PARD3B: variants seen among roughly 807,000 people sequenced by gnomAD.
The protein encoded by PARD3B is partitioning defective 3 homolog B.
A neutral mutation model predicts 130.2 loss-of-function variants in PARD3B; 103 were observed. The observed-to-expected ratio is 0.79, with a 90% CI of 0.67 to 0.93. The LOEUF (loss-of-function observed/expected upper bound fraction) is 0.93, where lower values mean the gene tolerates loss of function less well. Among genes scored for constraint, PARD3B ranks in the 40% least tolerant of loss-of-function variants. PARD3B has a pLI of 0.00. For missense variants in PARD3B, 1,609 were observed against 1,499.2 expected, an observed-to-expected ratio of 1.07 and a Z score of -1.21; for synonymous variants, 583 against 553.2, an observed-to-expected ratio of 1.05 and a Z score of -0.76.
intron 18 of PARD3B, among the ~76,000 whole-genome samples, chr2:205,315,714 C>T (rs1403594404): frequency 6.6e-6 from 1 of 152,134 alleles, no homozygotes; most frequent in African/African-American, 2.4e-5. Context: ...CCAGATTATT[C>T]ACTCTTACTC....
rs1272168659 is a variant in PARD3B, at chr2:205,407,173, T to C, written c.2741+6050T>C. The stretch of plus-strand genomic sequence containing the variant: ...ACCTGAGTGTATAAGCCCAAGTTTC[T>C]TGCTCAAGATTGTGTGGTAGGATTT... On this transcript the variant is annotated intron_variant, in intron 19 of 22. Coordinates refer to ENST00000406610, the MANE Select transcript of PARD3B (RefSeq NM_001302769.2). This position sits in a 1 kb window ranked among gnomAD's most constrained non-coding sequence, Gnocchi z 4.1. Among the ~76,000 whole-genome samples the C allele has an allele frequency of 6.6e-6, 1 of 152,224 alleles. No individual in the cohort carries two copies. The highest frequency in any genetic ancestry group is 1.5e-5 in the Non-Finnish European group (1 of 68,034).
intron 4 of PARD3B, among the ~76,000 whole-genome samples, chr2:205,052,515 AG>A (rs1279211484): frequency 1.4e-5 from 2 of 147,592 alleles, no homozygotes; most frequent in African/African-American, 2.5e-5. Flanking sequence ...GATAGATTTC[AG>A]GGGGGTCTGT....
intron 1 of PARD3B, among the ~76,000 whole-genome samples, chr2:204,666,772 G>A (rs1427480310): frequency 6.6e-6 from 1 of 152,116 alleles, no homozygotes; most frequent in East Asian, 1.9e-4. Flanking sequence ...GGGCATGTAG[G>A]TTTAGGCATC....
Position 205,287,039 on chromosome 2 carries a change from G to A in PARD3B, c.2186-13491G>A. 6.6e-6 allele frequency among the ~76,000 whole-genome samples: 1 copy of A among 152,172 alleles called. No individual in the cohort carries two copies. The highest frequency in any genetic ancestry group is 1.9e-4 in the East Asian group (1 of 5,176). On this transcript the variant is annotated intron_variant, in intron 16 of 22. Transcript: ENST00000406610. This position sits in a 1 kb window ranked among gnomAD's most constrained non-coding sequence, Gnocchi z 4.8. ...TCTTGATGTAGAAGATTTGTCACTT[G>A]TAAAATCCATGCAGCAACAGACTGG... is the stretch of plus-strand genomic sequence containing the variant.
At chr2:204,776,779 A>G (rs544866100) in intron 2 of PARD3B, among the ~76,000 whole-genome samples, 20 of 152,058 alleles carry the variant, frequency 1.3e-4, no homozygotes, top group African/African-American at 4.1e-4. Flanking sequence ...TTCAAGAAAA[A>G]TGATGCCTCT....
chr2:205,580,546 GC>G (rs2053925679), intron 22 of PARD3B, among the ~76,000 whole-genome samples: 1 of 152,076 alleles, frequency 6.6e-6, no homozygotes, highest in Admixed American at 6.6e-5. Flanking sequence ...TCTCAAATCT[GC>G]ACCAAAAGCT....
At chr2:204,923,793 T>TATA (rs1219647949) in intron 2 of PARD3B, among the ~76,000 whole-genome samples, 2 of 152,060 alleles carry the variant, frequency 1.3e-5, no homozygotes, top group Non-Finnish European at 1.5e-5. Flanking sequence ...CACAGGTGCC[T>TATA]ATAGAGGATA....
chr2:205,439,811 TAG>T (rs904457039), intron 19 of PARD3B, among the ~76,000 whole-genome samples: 33 of 152,320 alleles, frequency 2.2e-4, no homozygotes, highest in Non-Finnish European at 3.7e-4. Context: ...CCAAAAAACT[TAG>T]AGTCTCTTGT....
intron 2 of PARD3B, among the ~76,000 whole-genome samples, chr2:204,942,873 C>T (rs899527545): frequency 1.4e-4 from 21 of 151,984 alleles, no homozygotes; most frequent in Non-Finnish European, 2.4e-4. Flanking sequence ...AAAGGAACAA[C>T]AGAAACTGGG....
intron 10 of PARD3B, among the ~76,000 whole-genome samples, chr2:205,150,020 G>A (rs990449032): frequency 6.6e-6 from 1 of 152,182 alleles, no homozygotes; most frequent in Non-Finnish European, 1.5e-5. Context: ...TGAAGGTTCT[G>A]TATGACCAGC....
chr2:205,597,092 C>T (rs1040954858), intron 22 of PARD3B, among the ~76,000 whole-genome samples: 25 of 151,712 alleles, frequency 1.6e-4, no homozygotes, highest in Admixed American at 4.6e-4. Flanking sequence ...AAGTTGGTTA[C>T]CTACGTGTAT....
chr2:204,978,782 C>A (rs942229481), intron 3 of PARD3B, among the ~76,000 whole-genome samples: 1 of 151,734 alleles, frequency 6.6e-6, no homozygotes, highest in African/African-American at 2.4e-5. Context: ...GCCAACATGG[C>A]AAAACTCTGT....
chr2:205,023,657 T>A (rs1696800563), intron 3 of PARD3B, among the ~76,000 whole-genome samples: 1 of 150,628 alleles, frequency 6.6e-6, no homozygotes, highest in Non-Finnish European at 1.5e-5. Flanking sequence ...AATTCAATAC[T>A]GCAGCCAGGA....
intron 18 of PARD3B, among the ~76,000 whole-genome samples, chr2:205,307,758 C>T (rs933171629): frequency 6.6e-6 from 1 of 152,190 alleles, no homozygotes; most frequent in Non-Finnish European, 1.5e-5. Flanking sequence ...CCTTATGTTA[C>T]TTAAACTAAA....
chr2:205,499,800 A>C, intron 20 of PARD3B, 96 bp from the exon 21 acceptor site: 4 of 1,294,286 alleles, frequency 3.1e-6, no homozygotes, highest in Non-Finnish European at 4.2e-6. Context: ...TGAATCTTCC[A>C]AATTTAGATG....
rs192483668 is a variant in PARD3B, at chr2:205,219,260, G to A, written c.2140+25940G>A. Among the ~76,000 whole-genome samples, 20 of 152,258 alleles carry A rather than the reference G, an allele frequency of 1.3e-4. No individual in the cohort carries two copies. In the East Asian group the frequency reaches 2.7e-3, roughly 21 times the overall value. Reference sequence around the variant, plus strand: ...TGTGTAATCGCCTTTTCTGCAGAAAGGAGCGTGATTTAAGTGAGCTCATCT... The same window carrying A: ...TGTGTAATCGCCTTTTCTGCAGAAAAGAGCGTGATTTAAGTGAGCTCATCT... On this transcript the variant is annotated intron_variant, in intron 15 of 22. Transcript: ENST00000406610.
At chr2:205,477,640 T>C (rs1278404464) in intron 20 of PARD3B, among the ~76,000 whole-genome samples, 1 of 152,196 alleles carries the variant, frequency 6.6e-6, no homozygotes, top group Non-Finnish European at 1.5e-5. Flanking sequence ...TTTGTTGCTC[T>C]TGTGTCTAGG....
chr2:204,545,894 C>T lies in PARD3B; in HGVS notation c.-106C>T. On this transcript the variant is annotated 5_prime_UTR_variant, in exon 1 of 23. Transcript: ENST00000406610. ...CAGGGTGTTCCGGGGAGCGGCGCCC[C>T]GGGTCTCTGGGCCCACCCGCCCCGG... The T allele has an allele frequency of 1.3e-5, 17 of 1,286,428 alleles. No individual in the cohort carries two copies. The highest frequency in any genetic ancestry group is 1.7e-5 in the South Asian group (1 of 59,940). The allele number at this position is 1,286,428 out of a possible 1,614,324, so 79.7% of individuals were successfully genotyped here. A position where few individuals can be genotyped will look rare whatever the true frequency, so the allele number is the denominator to read the frequency against.
rs147816595 is a variant in PARD3B at position 205,569,813 on chromosome 2, T to C, written c.3260+16410T>C. Among the ~76,000 whole-genome samples, 586 of 152,312 alleles carry C rather than the reference T, an allele frequency of 3.8e-3. 11 individuals carry two copies. The highest frequency in any genetic ancestry group is 0.013 in the African/African-American group (556 of 41,566). ...TAGTCAAGATCATCCAATTGGGCTTTTTTCTCAAAATGGTACTTCTTCTTG... is the reference window on the plus strand; with the variant it reads ...TAGTCAAGATCATCCAATTGGGCTTCTTTCTCAAAATGGTACTTCTTCTTG... On this transcript the variant is annotated intron_variant, in intron 22 of 22. Coordinates refer to ENST00000406610, the MANE Select transcript of PARD3B (RefSeq NM_001302769.2).
Sources: allele counts gnomAD v4.1 joint callset (sites outside exome capture counted in the v4.1 genomes callset), GRCh38; gene constraint gnomAD v4.1.1; non-coding constraint Gnocchi (gnomAD v3.1); transcripts MANE v1.5; gene names NCBI Gene and HGNC (gene_info 2026-07-23, HGNC 2026-07-21).